Variants in SYN2 observed in about 807,000 individuals in gnomAD.
The protein encoded by SYN2 is synapsin II, also known as synapsin-2.
A neutral mutation model predicts 50.9 loss-of-function variants in SYN2; 19 were observed. That is an observed-to-expected ratio of 0.37 (90% CI 0.26 to 0.55). The LOEUF is 0.55. Among genes scored for constraint, SYN2 ranks in the 20% least tolerant of loss-of-function variants. The pLI is 0.81. For synonymous variants in SYN2, 255 were observed against 224.9 expected, an observed-to-expected ratio of 1.13 and a Z score of -1.20; for missense variants, 587 against 576.4, an observed-to-expected ratio of 1.02 and a Z score of -0.19.
chr3:12,117,148 C>T (rs1321004618), intron 1 of SYN2, among the ~76,000 whole-genome samples: 3 of 152,210 alleles, frequency 2.0e-5, no homozygotes, highest in Non-Finnish European at 4.4e-5. Flanking sequence ...TTGGAAGTTA[C>T]ATAAAATCAG....
chr3:12,024,029 C>A (rs761390872), intron 1 of SYN2, among the ~76,000 whole-genome samples: 8 of 151,526 alleles, frequency 5.3e-5, no homozygotes, highest in Non-Finnish European at 8.8e-5. Flanking sequence ...CATAAACGTG[C>A]AGAAATAGTA....
intron 1 of SYN2, among the ~76,000 whole-genome samples, chr3:12,128,024 C>A (rs1010793074): frequency 1.3e-5 from 2 of 151,738 alleles, no homozygotes; most frequent in African/African-American, 4.9e-5. Flanking sequence ...TGGCTCACTG[C>A]AGCCTCAACA....
intron 1 of SYN2, among the ~76,000 whole-genome samples, chr3:12,114,064 T>G (rs1404997126): frequency 2.0e-5 from 3 of 152,182 alleles, no homozygotes; most frequent in South Asian, 2.1e-4. Context: ...TATGAAAGTT[T>G]CCATTTTTCC....
chr3:12,028,511 A>G (rs1457822476), intron 1 of SYN2, among the ~76,000 whole-genome samples: 6 of 149,228 alleles, frequency 4.0e-5, no homozygotes, highest in South Asian at 2.1e-4. Flanking sequence ...AAGTGTTCCT[A>G]TTTCTCCTCA....
In SYN2 at chr3:12,187,451, ACCTTCCTCC is replaced by A. The variant is rs1698364327; in HGVS notation, c.1453_1461del (p.Pro485_Ser487del). ...GGCTCCCCCCTGGACCATCACTGCC[ACCTTCCTCC>A]TCTTCCTCCTCTTCTTCCTCCTCCT... On this transcript the variant is annotated inframe_deletion, in exon 12 of 13. Transcript: ENST00000621198. The A allele has an allele frequency of 1.9e-5, 29 of 1,553,008 alleles. No homozygotes were observed. The highest frequency in any genetic ancestry group is 2.3e-5 in the Non-Finnish European group (26 of 1,147,668).
intron 1 of SYN2, among the ~76,000 whole-genome samples, chr3:12,055,410 A>C (rs1296527549): frequency 6.6e-6 from 1 of 152,204 alleles, no homozygotes; most frequent in African/African-American, 2.4e-5. Context: ...GAAAGCTTTA[A>C]AAATGAATGA....
chr3:12,094,403 T>TA lies in SYN2; in HGVS notation c.378-46240dup, dbSNP rs369596496. Among the ~76,000 whole-genome samples, 1,139 of 152,218 alleles carry TA rather than the reference T, an allele frequency of 7.5e-3. 9 individuals carry two copies. The highest frequency in any genetic ancestry group is 0.026 in the African/African-American group (1,077 of 41,526). On this transcript the variant is annotated intron_variant, in intron 1 of 12. Coordinates refer to ENST00000621198, the MANE Select transcript of SYN2 (RefSeq NM_133625.6). The stretch of plus-strand genomic sequence containing the variant: ...ACTGTGATATGTACCTTATATTTTA[T>TA]AAAAAAAATTTATAACAGCCTAAAG...
intron 1 of SYN2, among the ~76,000 whole-genome samples, chr3:12,064,402 T>G (rs1190171689): frequency 1.3e-5 from 2 of 152,032 alleles, no homozygotes; most frequent in Non-Finnish European, 2.9e-5. Context: ...AAATTGAACT[T>G]CATCAAAATT....
chr3:12,020,929 C>G (rs1048783372), intron 1 of SYN2, among the ~76,000 whole-genome samples: 2 of 152,108 alleles, frequency 1.3e-5, no homozygotes, highest in African/African-American at 4.8e-5. Flanking sequence ...AAATAGAAAA[C>G]ATTTATCTCA....
intron 3 of SYN2, among the ~76,000 whole-genome samples, chr3:12,143,185 G>GTGCAGGATTGGAGTTGTAT (rs1470279134): frequency 1.3e-5 from 2 of 152,182 alleles, no homozygotes; most frequent in Admixed American, 1.3e-4. Context: ...TGTAACTGGG[G>GTGCAGGATTGGAGTTGTAT]TGCAGGATTG....
chr3:12,073,993 A>AC (rs1695417235), intron 1 of SYN2, among the ~76,000 whole-genome samples: 1 of 152,136 alleles, frequency 6.6e-6, no homozygotes, highest in East Asian at 1.9e-4. Flanking sequence ...TAAATCTGTC[A>AC]ACTTTTGCTT....
chr3:12,051,092 A>T (rs986151389), intron 1 of SYN2, among the ~76,000 whole-genome samples: 1 of 152,132 alleles, frequency 6.6e-6, no homozygotes, highest in Non-Finnish European at 1.5e-5. Context: ...TAGCAAAAGG[A>T]TTAATGTCTT....
At chr3:12,043,982 C>T (rs1694677030) in intron 1 of SYN2, among the ~76,000 whole-genome samples, 1 of 152,152 alleles carries the variant, frequency 6.6e-6, no homozygotes, top group South Asian at 2.1e-4. Flanking sequence ...TGCCATTTGT[C>T]CAGGTATATT....
intron 1 of SYN2, among the ~76,000 whole-genome samples, chr3:12,023,826 C>T (rs1694198275): frequency 6.6e-6 from 1 of 152,004 alleles, no homozygotes; most frequent in African/African-American, 2.4e-5. Context: ...TTTTGGTTGT[C>T]CGTCTGTGAG....
chr3:12,066,124 A>G (rs1203660360), intron 1 of SYN2, among the ~76,000 whole-genome samples: 1 of 152,196 alleles, frequency 6.6e-6, no homozygotes, highest in Non-Finnish European at 1.5e-5. Context: ...ATTGTATGGT[A>G]TGTGGATGAT....
chr3:12,101,175 T>A (rs1696065748), intron 1 of SYN2, among the ~76,000 whole-genome samples: 1 of 152,184 alleles, frequency 6.6e-6, no homozygotes, highest in Admixed American at 6.5e-5. Flanking sequence ...CAAAAACTTG[T>A]ACGTGAAAAA....
In SYN2 at chr3:12,004,936, C is replaced by A. The variant is rs1374716033; in HGVS notation, c.377+8C>A. On this transcript the variant is annotated splice_region_variant and intron_variant, in intron 1 of 12. Coordinates refer to ENST00000621198, the MANE Select transcript of SYN2 (RefSeq NM_133625.6). ...CGAGCCGCACGCCGACTGGTAGGTG[C>A]CGGGCGCCGCCGCCCTCGGGGGTCG... 3.8e-6 allele frequency: 2 copies of A among 532,172 alleles called. No homozygotes were observed. Among genetic ancestry groups the A allele is most frequent in the South Asian group, 2.4e-5 (1 of 41,732 alleles). 33.0% of individuals were successfully genotyped at this position (532,172 alleles called of 1,614,324 possible).
chr3:12,035,231 G>T (rs1443557457), intron 1 of SYN2, among the ~76,000 whole-genome samples: 1 of 152,212 alleles, frequency 6.6e-6, no homozygotes, highest in Non-Finnish European at 1.5e-5. Context: ...GTCAGGGACT[G>T]GGCCCACAAG....
intron 5 of SYN2, chr3:12,156,732 G>T: frequency 9.5e-7 from 1 of 1,055,186 alleles, no homozygotes; most frequent in Non-Finnish European, 1.4e-6. Context: ...TCAGCCTACT[G>T]CCCAAGGAAG....
Sources: allele counts gnomAD v4.1 joint callset (sites outside exome capture counted in the v4.1 genomes callset), GRCh38; gene constraint gnomAD v4.1.1; transcripts MANE v1.5; gene names NCBI Gene and HGNC (gene_info 2026-07-23, HGNC 2026-07-21).